The following CNTN5 variants were observed in gnomAD, a reference collection of about 807,000 sequenced individuals.
CNTN5 encodes contactin 5.
In CNTN5, 77 loss-of-function variants were observed where a neutral mutation model predicts 129.1. That is an observed-to-expected ratio of 0.60 (90% CI 0.50 to 0.72). CNTN5 has a LOEUF of 0.72. CNTN5 is among the 30% of genes least tolerant of loss of function. The pLI, the probability that CNTN5 is intolerant of heterozygous loss-of-function variation, is 0.00. For missense variants in CNTN5, 1,478 were observed against 1,328.8 expected (o/e 1.11, Z -1.75); for synonymous variants, 509 against 465.6 (o/e 1.09, Z -1.20).
intron 1 of CNTN5, among the ~76,000 whole-genome samples, chr11:99,193,779 A>G (rs1293451299): frequency 2.6e-5 from 4 of 152,192 alleles, no homozygotes; most frequent in Admixed American, 6.5e-5. Context: ...CAGGGGAATT[A>G]CATTAGAATC....
chr11:99,876,966 T>C (rs979261585), intron 6 of CNTN5, among the ~76,000 whole-genome samples: 3 of 152,196 alleles, frequency 2.0e-5, no homozygotes, highest in Non-Finnish European at 2.9e-5. Context: ...TTCTTTTAAA[T>C]GATTTTCTCT....
intron 23 of CNTN5, among the ~76,000 whole-genome samples, chr11:100,344,934 T>C (rs1221602048): frequency 6.6e-6 from 1 of 152,042 alleles, no homozygotes; most frequent in Non-Finnish European, 1.5e-5. Flanking sequence ...ATAAGAACAC[T>C]ATAAAAAATA....
intron 8 of CNTN5, among the ~76,000 whole-genome samples, chr11:99,991,360 G>A (rs145478141): frequency 0.056 from 8,556 of 152,128 alleles, 278 homozygotes; most frequent in Non-Finnish European, 0.076. Context: ...CCAGCTACTC[G>A]GGAGGCTGAG....
intron 1 of CNTN5, among the ~76,000 whole-genome samples, chr11:99,207,353 A>G (rs1859535809): frequency 6.6e-6 from 1 of 152,174 alleles, no homozygotes; most frequent in Non-Finnish European, 1.5e-5. Context: ...ATTAATCCTC[A>G]GAGGAGTCAG....
At chr11:99,326,772 G>A (rs1164665930) in intron 2 of CNTN5, among the ~76,000 whole-genome samples, 1 of 152,044 alleles carries the variant, frequency 6.6e-6, no homozygotes, top group African/African-American at 2.4e-5. Context: ...AAGAAGGGAA[G>A]GGGAAGTATC....
At chr11:99,964,559 C>T (rs1272685126) in intron 8 of CNTN5, among the ~76,000 whole-genome samples, 4 of 152,114 alleles carry the variant, frequency 2.6e-5, no homozygotes, top group African/African-American at 9.7e-5. Context: ...ATTCAGTTTG[C>T]CAGTATTTTA....
intron 7 of CNTN5, 150 bp downstream of exon 7, chr11:99,916,299 A>G: frequency 3.4e-6 from 2 of 594,554 alleles, no homozygotes; most frequent in East Asian, 5.5e-5. Flanking sequence ...GTAATTCAAG[A>G]TCACGTACTC....
chr11:99,389,188 C>A (rs1419246268), intron 2 of CNTN5, among the ~76,000 whole-genome samples: 1 of 151,874 alleles, frequency 6.6e-6, no homozygotes, highest in African/African-American at 2.4e-5. Flanking sequence ...TGCCACCATG[C>A]CTAGCTAATT....
At chr11:99,306,638 G>T (rs1864885739) in intron 1 of CNTN5, among the ~76,000 whole-genome samples, 1 of 151,576 alleles carries the variant, frequency 6.6e-6, no homozygotes. Flanking sequence ...GGAGGCTGAG[G>T]CAGGAGAATG....
chr11:100,189,950 T>C (rs1284142178), intron 13 of CNTN5, among the ~76,000 whole-genome samples: 3 of 152,092 alleles, frequency 2.0e-5, no homozygotes, highest in African/African-American at 7.2e-5. Flanking sequence ...TTAATGAAAA[T>C]ATGTAAGTAT....
chr11:99,376,098 G>A (rs1317347823), intron 2 of CNTN5, among the ~76,000 whole-genome samples: 1 of 152,104 alleles, frequency 6.6e-6, no homozygotes, highest in East Asian at 1.9e-4. Flanking sequence ...AGCGAGGTAG[G>A]ATGACTCACA....
chr11:99,440,207 A>G (rs1943771203), intron 2 of CNTN5, among the ~76,000 whole-genome samples: 1 of 152,098 alleles, frequency 6.6e-6, no homozygotes, highest in Admixed American at 6.6e-5. Flanking sequence ...TATACCAGCT[A>G]ATTTTTAGTG....
intron 13 of CNTN5, among the ~76,000 whole-genome samples, chr11:100,161,435 C>A (rs952667348): frequency 2.0e-5 from 3 of 151,846 alleles, no homozygotes; most frequent in African/African-American, 7.3e-5. Context: ...GGTTATATAT[C>A]ATAGTTCATT....
rs189859486 is a variant in CNTN5, at chr11:99,354,719, C to T, written c.-71+29235C>T. Among the ~76,000 whole-genome samples, 11 of 152,298 alleles carry T rather than the reference C, an allele frequency of 7.2e-5. No individual in the cohort carries two copies. The East Asian group carries it at 1.4e-3, about 19-fold the overall frequency. On this transcript the variant is annotated intron_variant, in intron 2 of 24. Transcript: ENST00000524871. Reference sequence around the variant, plus strand: ...TCTCTCCTGAAAAATCACCACCTAACTGGCCTCCCTACTTCCACCATTGCC... The same window carrying T: ...TCTCTCCTGAAAAATCACCACCTAATTGGCCTCCCTACTTCCACCATTGCC...
intron 3 of CNTN5, among the ~76,000 whole-genome samples, chr11:99,707,757 CT>C (rs1954814995): frequency 6.6e-6 from 1 of 151,614 alleles, no homozygotes; most frequent in African/African-American, 2.4e-5. Context: ...AACATTTATT[CT>C]CCTTGTTAAA....
intron 16 of CNTN5, among the ~76,000 whole-genome samples, chr11:100,254,942 C>T (rs1461768663): frequency 6.6e-6 from 1 of 152,208 alleles, no homozygotes; most frequent in Admixed American, 6.6e-5. Context: ...TTTTAAAATA[C>T]TATTCAAAAT....
chr11:99,851,376 A>G (rs947829810), intron 6 of CNTN5, among the ~76,000 whole-genome samples: 3 of 152,258 alleles, frequency 2.0e-5, no homozygotes, highest in South Asian at 2.1e-4. Context: ...GACAAAAGAT[A>G]TTTTATTCCT....
intron 13 of CNTN5, among the ~76,000 whole-genome samples, chr11:100,164,053 C>T (rs1386677871): frequency 6.6e-6 from 1 of 151,784 alleles, no homozygotes; most frequent in Admixed American, 6.6e-5. Context: ...TCTTTAAAAA[C>T]TAGGACTAGC....
chr11:99,937,690 A>C (rs1565697240), intron 7 of CNTN5, among the ~76,000 whole-genome samples: 1 of 152,322 alleles, frequency 6.6e-6, no homozygotes, highest in East Asian at 1.9e-4. Context: ...TTCACTTAGG[A>C]CATGAACTCT....
Sources: gnomAD v4.1 joint callset for allele counts (sites outside exome capture counted in the v4.1 genomes callset) on GRCh38, gnomAD v4.1.1 for gene constraint, MANE v1.5 for transcripts, NCBI Gene and HGNC (gene_info 2026-07-23, HGNC 2026-07-21) for gene names.